ITSN2: variants seen among roughly 807,000 people sequenced by gnomAD.
The protein encoded by ITSN2 is intersectin-2.
ITSN2 carries 156 observed loss-of-function variants against 243.7 expected under a neutral mutation model. The observed-to-expected ratio is 0.64, with a 90% CI of 0.56 to 0.73. The LOEUF (loss-of-function observed/expected upper bound fraction) is 0.73, where lower values mean the gene tolerates loss of function less well. Ranked by LOEUF, ITSN2 falls within the 30% of genes least tolerant of loss-of-function variation. ITSN2 has a pLI of 0.00. For missense variants in ITSN2, 1,801 were observed against 1,996.1 expected (o/e 0.90, Z 1.86); for synonymous variants, 703 against 699.9 (o/e 1.00, Z -0.07).
intron 9 of ITSN2, 105 bp from the exon 10 acceptor site, chr2:24,302,207 T>C: frequency 1.5e-6 from 1 of 649,368 alleles, no homozygotes; most frequent in Non-Finnish European, 2.2e-6. Context: ...ATTTATTTAT[T>C]TATTTATTTG....
intron 27 of ITSN2, among the ~76,000 whole-genome samples, chr2:24,248,277 T>G (rs990943572): frequency 1.3e-5 from 2 of 152,148 alleles, no homozygotes; most frequent in Non-Finnish European, 2.9e-5. Context: ...ACCATCTAGA[T>G]TATGTCTTTC....
intron 29 of ITSN2, among the ~76,000 whole-genome samples, chr2:24,232,265 A>T (rs543160356): frequency 6.6e-6 from 1 of 152,380 alleles, no homozygotes; most frequent in South Asian, 2.1e-4. Flanking sequence ...CAGAAAGCAA[A>T]CTATTTGCCT....
At position 24,212,047 on chromosome 2, in the gene ITSN2, C is replaced by T. The variant is rs540718383; in HGVS notation, c.4089+603G>A. ...TAAGTTACTGTAATCAATGGTTAAT[C>T]GTGGGATAATCTTTTGTAAAGTCTG... On this transcript the variant is annotated intron_variant, in intron 33 of 39. Coordinates refer to ENST00000355123, the MANE Select transcript of ITSN2 (RefSeq NM_006277.3). Among the ~76,000 whole-genome samples, 46 of 152,270 alleles carry T rather than the reference C, an allele frequency of 3.0e-4. No individual in the cohort carries two copies. The South Asian group carries it at 7.9e-3, about 26-fold the overall frequency.
intron 2 of ITSN2, 44 bp from the exon 3 acceptor site, chr2:24,315,268 C>T (rs1157997505): frequency 1.2e-5 from 12 of 1,029,390 alleles, no homozygotes; most frequent in Non-Finnish European, 1.5e-5. Context: ...CATGAGAATG[C>T]TTAAAATACA....
rs75983586 is a variant in ITSN2 at position 24,351,077 on chromosome 2, T to C, written c.-34+9227A>G. On this transcript the variant is annotated intron_variant, in intron 1 of 39. Transcript: ENST00000355123. The stretch of plus-strand genomic sequence containing the variant: ...GGTGTTTTAGGCTCTATCTTCCGCC[T>C]ACCCTACCAGGTATTTCAACCTCCC... 7.5e-3 allele frequency among the ~76,000 whole-genome samples: 1,136 copies of C among 152,292 alleles called. 8 individuals are homozygous for C. The highest frequency in any genetic ancestry group is 0.026 in the African/African-American group (1,095 of 41,556).
chr2:24,261,837 G>C (rs1049464564), intron 20 of ITSN2, 95 bp from the exon 21 acceptor site: 25 of 902,084 alleles, frequency 2.8e-5, no homozygotes, highest in Admixed American at 1.7e-4. Context: ...CTCATTTTCA[G>C]AATTAAGCCC....
chr2:24,282,808 T>A (rs1574139018), intron 17 of ITSN2, among the ~76,000 whole-genome samples: 1 of 152,158 alleles, frequency 6.6e-6, no homozygotes, highest in African/African-American at 2.4e-5. Flanking sequence ...TACCAACAAA[T>A]TTAACTGCAT....
At chr2:24,295,583 A>T in intron 14 of ITSN2, 81 bp downstream of exon 14, 2 of 1,134,056 alleles carry the variant, frequency 1.8e-6, no homozygotes, top group Non-Finnish European at 2.4e-6. Context: ...TGCTAGCATT[A>T]CAGCCGTGAG....
intron 1 of ITSN2, among the ~76,000 whole-genome samples, chr2:24,329,428 T>TTTTGTTTG (rs553371587): frequency 6.6e-6 from 1 of 151,990 alleles, no homozygotes; most frequent in East Asian, 1.9e-4. Context: ...CCCGGCTAAT[T>TTTTGTTTG]TTTGTTTGTT....
intron 14 of ITSN2, among the ~76,000 whole-genome samples, chr2:24,295,344 T>C (rs1376655185): frequency 6.6e-6 from 1 of 152,210 alleles, no homozygotes; most frequent in Non-Finnish European, 1.5e-5. Context: ...TCTCGCTCTA[T>C]CATCCATGCT....
intron 1 of ITSN2, among the ~76,000 whole-genome samples, chr2:24,340,252 C>A (rs999564941): frequency 2.0e-5 from 3 of 151,920 alleles, no homozygotes; most frequent in African/African-American, 2.4e-5. Flanking sequence ...GAGGCCGAGG[C>A]GGCAGATTAC....
chr2:24,261,530 A>C lies in ITSN2; in HGVS notation c.2537+31T>G, dbSNP rs758321330. ...TAGGTATTTACACATTTGCAGATCT[A>C]TATAAACTTTACTGTTAGCTAAAAA... On this transcript the variant is annotated intron_variant, in intron 21 of 39. Coordinates refer to ENST00000355123, the MANE Select transcript of ITSN2 (RefSeq NM_006277.3). The C allele has an allele frequency of 5.3e-6, 8 of 1,514,752 alleles. No homozygotes were observed. The African/African-American group carries it at 5.5e-5, about 10-fold the overall frequency. The allele number at this position is 1,514,752 out of a possible 1,614,324, so 93.8% of individuals were successfully genotyped here.
chr2:24,281,374 A>T (rs532054989), intron 17 of ITSN2, among the ~76,000 whole-genome samples: 1 of 152,100 alleles, frequency 6.6e-6, no homozygotes, highest in Non-Finnish European at 1.5e-5. Context: ...GTTGACTCCC[A>T]TCATTCTCTT....
intron 13 of ITSN2, among the ~76,000 whole-genome samples, chr2:24,296,836 T>C (rs1394361905): frequency 1.3e-5 from 2 of 152,358 alleles, no homozygotes; most frequent in South Asian, 2.1e-4. Context: ...GACTGTTTCA[T>C]ATTTGAAATA....
At chr2:24,251,193 C>CG (rs1674057210) in intron 25 of ITSN2, among the ~76,000 whole-genome samples, 1 of 148,448 alleles carries the variant, frequency 6.7e-6, no homozygotes, top group African/African-American at 2.5e-5. Context: ...GGCATGGTAG[C>CG]GGATGGCTGT....
At chr2:24,285,083 G>A (rs1337976550) in intron 16 of ITSN2, among the ~76,000 whole-genome samples, 1 of 151,980 alleles carries the variant, frequency 6.6e-6, no homozygotes. Flanking sequence ...TTTTAGTAGA[G>A]ATGGGGTTTC....
At chr2:24,247,508 C>A (rs2151294590) in intron 27 of ITSN2, among the ~76,000 whole-genome samples, 1 of 152,232 alleles carries the variant, frequency 6.6e-6, no homozygotes, top group South Asian at 2.1e-4. Context: ...TGAGAGTAGT[C>A]TTGAAGACCC....
intron 15 of ITSN2, among the ~76,000 whole-genome samples, chr2:24,291,317 TG>T (rs1355399354): frequency 6.6e-6 from 1 of 152,002 alleles, no homozygotes; most frequent in Non-Finnish European, 1.5e-5. Flanking sequence ...TTAGCAGTGA[TG>T]GGGTTTCACC....
At chr2:24,289,806 C>T (rs973296973) in intron 15 of ITSN2, among the ~76,000 whole-genome samples, 12 of 152,150 alleles carry the variant, frequency 7.9e-5, no homozygotes, top group African/African-American at 2.9e-4. Flanking sequence ...TAGCACTCAT[C>T]AGCTATCATC....
Sources: allele counts gnomAD v4.1 joint callset (sites outside exome capture counted in the v4.1 genomes callset), GRCh38; gene constraint gnomAD v4.1.1; transcripts MANE v1.5; gene names NCBI Gene and HGNC (gene_info 2026-07-23, HGNC 2026-07-21).